The following GLS variants were observed in gnomAD, a reference collection of about 807,000 sequenced individuals.
GLS encodes the protein glutaminase.
Under a neutral mutation model 86.7 loss-of-function variants are expected in GLS, and 36 were observed. The ratio of observed to expected loss-of-function variants is 0.42; its 90% confidence interval spans 0.32 to 0.55. The LOEUF is 0.55. Among genes scored for constraint, GLS ranks in the 20% least tolerant of loss-of-function variants. The pLI is 0.17. For synonymous variants in GLS, 317 were observed against 305.9 expected, an observed-to-expected ratio of 1.04 and a Z score of -0.38; for missense variants, 528 against 833.4, an observed-to-expected ratio of 0.63 and a Z score of 4.51.
chr2:190,934,958 T>G, intron 14 of GLS: 1 of 968,842 alleles, frequency 1.0e-6, no homozygotes, highest in Non-Finnish European at 1.2e-6. Flanking sequence ...TTCAGTATTC[T>G]TAACACCTTT....
intron 1 of GLS, among the ~76,000 whole-genome samples, chr2:190,883,921 T>C (rs1421765988): frequency 2.0e-5 from 3 of 152,252 alleles, no homozygotes; most frequent in African/African-American, 7.2e-5. Flanking sequence ...TACCTTTTTT[T>C]CACAAACTCT....
At position 190,905,228 on chromosome 2, in the gene GLS, A is replaced by C; in HGVS notation, c.979+61A>C. The stretch of plus-strand genomic sequence containing the variant: ...TGTCTCATTTTCCTATGTAAATCTA[A>C]GTCGTTTTAAACATTTTTTGATTAA... On this transcript the variant is annotated intron_variant, in intron 6 of 17. Transcript: ENST00000320717. The surrounding 1 kb of genome is among the most constrained non-coding windows in gnomAD (Gnocchi z 4.6). 9.8e-7 allele frequency: 1 copy of C among 1,023,364 alleles called. No homozygotes were observed. Among genetic ancestry groups the C allele is most frequent in the Non-Finnish European group, 1.5e-6 (1 of 688,454 alleles). 63.4% of individuals were successfully genotyped at this position (1,023,364 alleles called of 1,614,324 possible). A position where few individuals can be genotyped will look rare whatever the true frequency, so the allele number is the denominator to read the frequency against.
At chr2:190,927,866 G>A in intron 12 of GLS, 1 of 159,056 alleles carries the variant, frequency 6.3e-6, no homozygotes, top group Non-Finnish European at 1.4e-5. Context: ...GCTGTTTTAA[G>A]GACTAAAAGT....
chr2:190,908,847 C>G (rs1238679627), intron 6 of GLS, among the ~76,000 whole-genome samples: 2 of 152,148 alleles, frequency 1.3e-5, no homozygotes, highest in Admixed American at 6.5e-5. Context: ...ATTTAGTGTT[C>G]TTTAAGACAT....
intron 14 of GLS, chr2:190,932,632 C>T (rs1481523543): frequency 2.0e-6 from 2 of 993,634 alleles, no homozygotes; most frequent in Admixed American, 3.8e-5. Flanking sequence ...TTTAATAATG[C>T]TCATTGAAAA....
intron 7 of GLS, among the ~76,000 whole-genome samples, chr2:190,915,979 A>G (rs182906658): frequency 6.6e-6 from 1 of 152,240 alleles, no homozygotes; most frequent in Non-Finnish European, 1.5e-5. Flanking sequence ...CTGGAGGCAT[A>G]TAAAGAACTG....
chr2:190,886,447 C>G (rs1188377410), intron 1 of GLS, among the ~76,000 whole-genome samples: 1 of 152,164 alleles, frequency 6.6e-6, no homozygotes, highest in South Asian at 2.1e-4. Flanking sequence ...CTACCTACCT[C>G]AAAGTCAGCT....
chr2:190,904,247 C>G lies in GLS; in HGVS notation c.816-757C>G, dbSNP rs149089841. Among the ~76,000 whole-genome samples, 865 of 151,760 alleles carry G rather than the reference C, an allele frequency of 5.7e-3. 8 individuals carry two copies. The highest frequency in any genetic ancestry group is 0.02 in the African/African-American group (827 of 41,366). The stretch of plus-strand genomic sequence containing the variant: ...AATAGTATTGAATCTAAACTGAGTT[C>G]TGTTTAACTTTTTAACCATGGTTTA... On this transcript the variant is annotated intron_variant, in intron 5 of 17. Transcript: ENST00000320717.
chr2:190,946,670 C>A (rs544012944), intron 14 of GLS, among the ~76,000 whole-genome samples: 1 of 151,974 alleles, frequency 6.6e-6, no homozygotes, highest in Non-Finnish European at 1.5e-5. Context: ...ATTTTTCCTC[C>A]GTCTCTCCCT....
intron 1 of GLS, among the ~76,000 whole-genome samples, chr2:190,889,749 A>T (rs1314603840): frequency 6.6e-6 from 1 of 152,112 alleles, no homozygotes; most frequent in South Asian, 2.1e-4. Context: ...GTATGGACAA[A>T]TTACCATGAG....
In GLS at chr2:190,938,775, A is replaced by T. The variant is rs1690346605; in HGVS notation, c.1650+7138A>T. On this transcript the variant is annotated intron_variant, in intron 14 of 17. Transcript: ENST00000320717. This position sits in a 1 kb window ranked among gnomAD's most constrained non-coding sequence, Gnocchi z 4.1. ...AATGTGACTATAAGTTATTTGGCAG[A>T]TGGTACCATCAGCATTTATTAAAAC... Among the ~76,000 whole-genome samples, 2 of 151,758 alleles carry T rather than the reference A, an allele frequency of 1.3e-5. No homozygotes were observed. The highest frequency in any genetic ancestry group is 6.6e-5 in the Admixed American group (1 of 15,216).
chr2:190,956,758 T>C lies in GLS; in HGVS notation c.1853+1940T>C, dbSNP rs1690870251. 6.6e-6 allele frequency among the ~76,000 whole-genome samples: 1 copy of C among 152,226 alleles called. No individual in the cohort carries two copies. The highest frequency in any genetic ancestry group is 1.5e-5 in the Non-Finnish European group (1 of 68,044). On this transcript the variant is annotated intron_variant, in intron 17 of 17. Transcript: ENST00000320717. The surrounding 1 kb of genome is among the most constrained non-coding windows in gnomAD (Gnocchi z 4.2). ...GAGCATGGAATGTTTTTCCATTTGT[T>C]TGTGTCCTCTCTTTATTTCCTTCAG... is the stretch of plus-strand genomic sequence containing the variant.
Position 190,929,245 on chromosome 2 carries a change from A to G in GLS, c.1426-1192A>G, listed in dbSNP as rs190212730. ...AGTAATTTAAATTACCATTTTAGAA[A>G]ATCTTTTAAGAATATATAACTTTTT... On this transcript the variant is annotated intron_variant, in intron 12 of 17. Coordinates refer to ENST00000320717, the MANE Select transcript of GLS (RefSeq NM_014905.5). Among the ~76,000 whole-genome samples, 747 of 151,892 alleles carry G rather than the reference A, an allele frequency of 4.9e-3. 8 individuals are homozygous for G. Among genetic ancestry groups the G allele is most frequent in the African/African-American group, 0.017 (713 of 41,502 alleles).
chr2:190,906,644 A>T (rs561632146), intron 6 of GLS, among the ~76,000 whole-genome samples: 1 of 152,322 alleles, frequency 6.6e-6, no homozygotes, highest in Admixed American at 6.5e-5. Context: ...AACAGTAAAT[A>T]CAGGCTTCAC....
At chr2:190,959,122 A>G (rs1031620823) in intron 17 of GLS, among the ~76,000 whole-genome samples, 2 of 151,942 alleles carry the variant, frequency 1.3e-5, no homozygotes, top group Non-Finnish European at 2.9e-5. Flanking sequence ...GTGCATATAT[A>G]TTTAGGATAG....
chr2:190,894,237 T>C (rs948899131), intron 1 of GLS, among the ~76,000 whole-genome samples: 1 of 152,238 alleles, frequency 6.6e-6, no homozygotes, highest in African/African-American at 2.4e-5. Flanking sequence ...TATTTGCCTA[T>C]AACCTACATA....
chr2:190,936,515 AT>A (rs1393900720), intron 14 of GLS, among the ~76,000 whole-genome samples: 1 of 150,910 alleles, frequency 6.6e-6, no homozygotes, highest in African/African-American at 2.4e-5. Flanking sequence ...AACCCCTAAA[AT>A]TTTTGCTGCC....
At chr2:190,881,558 G>C in intron 1 of GLS, 88 bp downstream of exon 1, 1 of 1,232,442 alleles carries the variant, frequency 8.1e-7, no homozygotes. Flanking sequence ...GGCGGGATAG[G>C]AGCCGAGGGT....
chr2:190,950,568 C>T (rs1436475645), intron 14 of GLS, among the ~76,000 whole-genome samples: 1 of 152,226 alleles, frequency 6.6e-6, no homozygotes, highest in Admixed American at 6.5e-5. Context: ...AAAGCTAATT[C>T]TGTCTCTGGC....
Sources: allele counts gnomAD v4.1 joint callset (sites outside exome capture counted in the v4.1 genomes callset), GRCh38; gene constraint gnomAD v4.1.1; non-coding constraint Gnocchi (gnomAD v3.1); transcripts MANE v1.5; gene names NCBI Gene and HGNC (gene_info 2026-07-23, HGNC 2026-07-21).